RNF217: variants seen among roughly 807,000 people sequenced by gnomAD.
RNF217 encodes E3 ubiquitin-protein ligase RNF217.
Under a neutral mutation model 57.8 loss-of-function variants are expected in RNF217, and 31 were observed. That is an observed-to-expected ratio of 0.54 (90% CI 0.40 to 0.72). The LOEUF is 0.72. Among genes scored for constraint, RNF217 ranks in the 30% least tolerant of loss-of-function variants. The pLI is 0.00. For missense variants in RNF217, 696 were observed against 708.3 expected, an observed-to-expected ratio of 0.98 and a Z score of 0.20; for synonymous variants, 313 against 294.0, an observed-to-expected ratio of 1.06 and a Z score of -0.66.
intron 1 of RNF217, among the ~76,000 whole-genome samples, chr6:125,026,045 C>T (rs80036297): frequency 1.3e-5 from 2 of 152,236 alleles, no homozygotes; most frequent in Admixed American, 6.5e-5. Context: ...CCCATATGAT[C>T]GTGGAGACCA....
At chr6:125,008,041 G>A (rs80158870) in intron 1 of RNF217, among the ~76,000 whole-genome samples, 12,045 of 152,144 alleles carry the variant, frequency 0.079, 1,647 homozygotes, top group African/African-American at 0.28. Context: ...TGGATCACGA[G>A]GTCAGTAGAT....
intron 3 of RNF217, among the ~76,000 whole-genome samples, chr6:125,074,016 C>G (rs928983234): frequency 5.3e-5 from 8 of 152,074 alleles, no homozygotes; most frequent in African/African-American, 1.7e-4. Context: ...AGTCAAAGCT[C>G]ATGTTCTTTC....
intron 1 of RNF217, among the ~76,000 whole-genome samples, chr6:125,001,653 C>T (rs986825201): frequency 2.0e-5 from 3 of 152,162 alleles, no homozygotes; most frequent in Non-Finnish European, 2.9e-5. Context: ...AGAGTTCACA[C>T]ACTTGTCTTG....
intron 3 of RNF217, among the ~76,000 whole-genome samples, chr6:125,074,297 G>GA (rs1788267240): frequency 1.0e-4 from 15 of 144,766 alleles, no homozygotes; most frequent in Non-Finnish European, 1.5e-4. Flanking sequence ...CAGAAGATAG[G>GA]TAGATAGATA....
chr6:124,992,226 G>T (rs1027098032), intron 1 of RNF217, among the ~76,000 whole-genome samples: 2 of 152,166 alleles, frequency 1.3e-5, no homozygotes, highest in Admixed American at 1.3e-4. Flanking sequence ...AACATTTTAA[G>T]TAGGACATGT....
rs184223008 is a variant in RNF217, at chr6:125,012,228, C to T, written c.883-32983C>T. ...TATTTAAAATATAGCATATACAATA[C>T]TAAAAATGAAAGCATTGCTAAGAGC... On this transcript the variant is annotated intron_variant, in intron 1 of 5. Transcript: ENST00000521654. Among the ~76,000 whole-genome samples the T allele has an allele frequency of 2.7e-3, 413 of 152,218 alleles. 3 individuals are homozygous for T. Among genetic ancestry groups the T allele is most frequent in the Middle Eastern group, 6.8e-3 (2 of 294 alleles).
intron 4 of RNF217, among the ~76,000 whole-genome samples, chr6:125,080,061 T>C (rs1788518475): frequency 2.0e-5 from 3 of 152,124 alleles, no homozygotes; most frequent in South Asian, 4.1e-4. Flanking sequence ...TATGTTTTAT[T>C]ACTATTAGGA....
At position 125,091,569 on chromosome 6, in the gene RNF217, A is replaced by C. The variant is rs1788953047; in HGVS notation, c.*8632A>C. 1 of 152,184 alleles carries C rather than the reference A, an allele frequency of 6.6e-6. No individual in the cohort carries two copies. Among genetic ancestry groups the C allele is most frequent in the African/African-American group, 2.4e-5 (1 of 41,460 alleles). 9.4% of individuals were successfully genotyped at this position (152,184 alleles called of 1,614,324 possible). Reference sequence around the variant, plus strand: ...AATGGATATTAAACACCAGAAATTAAAGCCATTAAAATTGAATTGTACTTT... The same window carrying C: ...AATGGATATTAAACACCAGAAATTACAGCCATTAAAATTGAATTGTACTTT... On this transcript the variant is annotated 3_prime_UTR_variant, in exon 6 of 6. Coordinates refer to ENST00000521654, the MANE Select transcript of RNF217 (RefSeq NM_001286398.3).
intron 1 of RNF217, among the ~76,000 whole-genome samples, chr6:124,983,681 G>GC (rs1784258671): frequency 2.6e-5 from 4 of 152,088 alleles, no homozygotes; most frequent in African/African-American, 9.7e-5. Flanking sequence ...TATTTCAAAT[G>GC]CAGTATTTTC....
intron 1 of RNF217, among the ~76,000 whole-genome samples, chr6:125,029,616 T>A (rs1786262144): frequency 6.6e-6 from 1 of 152,188 alleles, no homozygotes; most frequent in African/African-American, 2.4e-5. Context: ...ACTTGCCAAT[T>A]TTGAAAGACC....
At chr6:124,985,785 T>C (rs980814517) in intron 1 of RNF217, among the ~76,000 whole-genome samples, 1 of 152,194 alleles carries the variant, frequency 6.6e-6, no homozygotes, top group African/African-American at 2.4e-5. Context: ...AATTATATTC[T>C]TTATCTCTAA....
At chr6:125,075,839 C>T (rs1253121066) in intron 3 of RNF217, among the ~76,000 whole-genome samples, 5 of 152,010 alleles carry the variant, frequency 3.3e-5, no homozygotes, top group South Asian at 2.1e-4. Flanking sequence ...CCAATTTTAT[C>T]GCAAAGAGTA....
chr6:125,009,468 AG>A, intron 1 of RNF217: 1 of 469,076 alleles, frequency 2.1e-6, no homozygotes, highest in Non-Finnish European at 3.8e-6. Context: ...GAATGTAAGA[AG>A]GCAGAAAAAA....
intron 5 of RNF217, among the ~76,000 whole-genome samples, chr6:125,081,721 T>C (rs890342354): frequency 2.0e-5 from 3 of 152,116 alleles, no homozygotes; most frequent in Admixed American, 6.6e-5. Flanking sequence ...ATGAACACTG[T>C]GATTCATGTA....
intron 1 of RNF217, among the ~76,000 whole-genome samples, chr6:125,033,626 G>T (rs1020331402): frequency 2.0e-5 from 3 of 151,560 alleles, no homozygotes; most frequent in Non-Finnish European, 2.9e-5. Context: ...CCAAGTCTTT[G>T]CTACTGTGAA....
intron 1 of RNF217, among the ~76,000 whole-genome samples, chr6:124,971,919 G>T (rs895253723): frequency 1.2e-4 from 18 of 152,088 alleles, no homozygotes; most frequent in African/African-American, 4.3e-4. Flanking sequence ...CTGTTAGTGG[G>T]GCCATCTTAC....
rs925134436 is a variant in RNF217 at position 124,995,464 on chromosome 6, A to G, written c.882+32038A>G. On this transcript the variant is annotated intron_variant, in intron 1 of 5. Transcript: ENST00000521654. Reference sequence around the variant, plus strand: ...TGTGCACATTTTTAATCACTTTTATAAAAATGAAAACATTCTTTGTATGTT... The same window carrying G: ...TGTGCACATTTTTAATCACTTTTATGAAAATGAAAACATTCTTTGTATGTT... Among the ~76,000 whole-genome samples, 13 of 152,204 alleles carry G rather than the reference A, an allele frequency of 8.5e-5. 1 individual carries two copies. The highest frequency in any genetic ancestry group is 3.1e-4 in the African/African-American group (13 of 41,452).
chr6:125,057,219 A>T (rs1171909427), intron 2 of RNF217, among the ~76,000 whole-genome samples: 1 of 152,170 alleles, frequency 6.6e-6, no homozygotes, highest in Non-Finnish European at 1.5e-5. Context: ...TCTGTCGCCC[A>T]TGCTGGAGTG....
At chr6:125,024,719 CAAAAAAAA>C (rs35985972) in intron 1 of RNF217, among the ~76,000 whole-genome samples, 55 of 83,586 alleles carry the variant, frequency 6.6e-4, no homozygotes, top group Non-Finnish European at 1.2e-3. Flanking sequence ...GACTCTGTCT[CAAAAAAAA>C]AAAAAAAAAA....
Sources: allele counts gnomAD v4.1 joint callset (sites outside exome capture counted in the v4.1 genomes callset), GRCh38; gene constraint gnomAD v4.1.1; transcripts MANE v1.5; gene names NCBI Gene and HGNC (gene_info 2026-07-23, HGNC 2026-07-21).